NR6A1: variants seen among roughly 807,000 people sequenced by gnomAD.
NR6A1 encodes the protein retinoic acid receptor-related testis-associated receptor.
In NR6A1, 7 loss-of-function variants were observed where a neutral mutation model predicts 59.1. The observed-to-expected ratio is 0.12, with a 90% CI of 0.07 to 0.22. The LOEUF (loss-of-function observed/expected upper bound fraction) is 0.22, where lower values mean the gene tolerates loss of function less well. Among genes scored for constraint, NR6A1 ranks in the 10% least tolerant of loss-of-function variants. The pLI is 1.00. For synonymous variants in NR6A1, 243 were observed against 236.1 expected, an observed-to-expected ratio of 1.03 and a Z score of -0.27; for missense variants, 468 against 611.6, an observed-to-expected ratio of 0.77 and a Z score of 2.48.
intron 2 of NR6A1, among the ~76,000 whole-genome samples, chr9:124,587,987 C>G (rs1834984239): frequency 6.6e-6 from 1 of 152,162 alleles, no homozygotes; most frequent in South Asian, 2.1e-4. Flanking sequence ...CCTGCCTCAG[C>G]CTTTCAAGTC....
At chr9:124,741,267 C>T (rs1224550098) in intron 1 of NR6A1, among the ~76,000 whole-genome samples, 1 of 149,108 alleles carries the variant, frequency 6.7e-6, no homozygotes, top group Non-Finnish European at 1.5e-5. Context: ...ATTTGTCACA[C>T]CACATGTTTT....
intron 2 of NR6A1, among the ~76,000 whole-genome samples, chr9:124,586,988 T>C (rs1588689024): frequency 6.6e-6 from 1 of 152,300 alleles, no homozygotes; most frequent in Non-Finnish European, 1.5e-5. Flanking sequence ...ACAGAGAAAT[T>C]TTTCATGAAA....
chr9:124,617,419 G>A (rs1489251070), intron 2 of NR6A1, among the ~76,000 whole-genome samples: 2 of 152,158 alleles, frequency 1.3e-5, no homozygotes, highest in African/African-American at 4.8e-5. Flanking sequence ...TCAACTGAAT[G>A]GAAACACAAT....
At chr9:124,574,407 TAGCA>T (rs1834532243) in intron 2 of NR6A1, among the ~76,000 whole-genome samples, 1 of 152,238 alleles carries the variant, frequency 6.6e-6, no homozygotes, top group Non-Finnish European at 1.5e-5. Context: ...GAAGGAGCCT[TAGCA>T]GAGTCATTTA....
rs573622255 is a variant in NR6A1 at position 124,575,372 on chromosome 9, G to A, written c.143-20802C>T. Among the ~76,000 whole-genome samples, 91 of 152,192 alleles carry A rather than the reference G, an allele frequency of 6.0e-4. 1 individual carries two copies. In the South Asian group the frequency reaches 0.018, roughly 31 times the overall value. On this transcript the variant is annotated intron_variant, in intron 2 of 9. Coordinates refer to ENST00000487099, the MANE Select transcript of NR6A1 (RefSeq NM_033334.4). ...GCAGACTGTCTGAGCTCAGGAGTTC[G>A]AGACCAGCCTGGGCAACATGGTGAA...
chr9:124,745,403 G>A (rs967094142), intron 1 of NR6A1, among the ~76,000 whole-genome samples: 1 of 152,150 alleles, frequency 6.6e-6, no homozygotes, highest in Non-Finnish European at 1.5e-5. Context: ...AGGGCACAGC[G>A]GCTCACGCCT....
At chr9:124,659,784 T>A (rs2130938863) in intron 2 of NR6A1, among the ~76,000 whole-genome samples, 1 of 152,318 alleles carries the variant, frequency 6.6e-6, no homozygotes, top group South Asian at 2.1e-4. Flanking sequence ...ATAAAATAAT[T>A]TTCCACAGAA....
chr9:124,632,959 C>T (rs1836490679), intron 2 of NR6A1, among the ~76,000 whole-genome samples: 1 of 152,130 alleles, frequency 6.6e-6, no homozygotes, highest in Non-Finnish European at 1.5e-5. Context: ...CTACAATGCT[C>T]TAGATTATCT....
intron 2 of NR6A1, among the ~76,000 whole-genome samples, chr9:124,640,656 C>A (rs1252847820): frequency 6.6e-6 from 1 of 151,962 alleles, no homozygotes; most frequent in African/African-American, 2.4e-5. Flanking sequence ...TTTGGCCTCC[C>A]AAAGCACTAG....
chr9:124,731,534 A>C (rs1163581659), intron 2 of NR6A1, among the ~76,000 whole-genome samples: 1 of 152,104 alleles, frequency 6.6e-6, no homozygotes, highest in African/African-American at 2.4e-5. Flanking sequence ...TTTTTCAATA[A>C]AAGTTATACC....
intron 2 of NR6A1, among the ~76,000 whole-genome samples, chr9:124,685,862 G>C (rs1161103380): frequency 6.6e-6 from 1 of 152,132 alleles, no homozygotes; most frequent in Non-Finnish European, 1.5e-5. Context: ...AGTATCAATA[G>C]TTTGCCCAAA....
intron 2 of NR6A1, among the ~76,000 whole-genome samples, chr9:124,686,856 G>A (rs759198711): frequency 4.6e-5 from 7 of 151,672 alleles, no homozygotes; most frequent in Non-Finnish European, 7.4e-5. Context: ...GGCACACACC[G>A]CCACGCTCAG....
intron 2 of NR6A1, among the ~76,000 whole-genome samples, chr9:124,705,637 T>C (rs998840774): frequency 3.2e-4 from 49 of 152,222 alleles, no homozygotes; most frequent in African/African-American, 1.2e-3. Context: ...ACCTTTTGAA[T>C]AGATGGTACA....
At chr9:124,582,114 A>G (rs1339875544) in intron 2 of NR6A1, among the ~76,000 whole-genome samples, 1 of 152,252 alleles carries the variant, frequency 6.6e-6, no homozygotes, top group Non-Finnish European at 1.5e-5. Context: ...TTATAAAGAC[A>G]TATGTACATG....
At chr9:124,728,264 C>T (rs1211496342) in intron 2 of NR6A1, among the ~76,000 whole-genome samples, 6 of 151,852 alleles carry the variant, frequency 4.0e-5, no homozygotes, top group African/African-American at 1.4e-4. Context: ...CTCCTGACCT[C>T]GTGATCCACC....
At chr9:124,763,229 T>C (rs1157999682) in intron 1 of NR6A1, among the ~76,000 whole-genome samples, 1 of 152,224 alleles carries the variant, frequency 6.6e-6, no homozygotes, top group African/African-American at 2.4e-5. Context: ...TACTGCTTCA[T>C]CAAGGATGAC....
At chr9:124,523,867 C>A (rs925571411) in intron 9 of NR6A1, among the ~76,000 whole-genome samples, 1 of 152,130 alleles carries the variant, frequency 6.6e-6, no homozygotes, top group Non-Finnish European at 1.5e-5. Flanking sequence ...CTGAATTTTA[C>A]AGGAAGAATC....
chr9:124,732,346 A>G (rs1839907357), intron 2 of NR6A1, among the ~76,000 whole-genome samples: 1 of 152,238 alleles, frequency 6.6e-6, no homozygotes, highest in Non-Finnish European at 1.5e-5. Context: ...TTATAGCAAA[A>G]TAAGGTCTGT....
chr9:124,588,643 G>A (rs114310785), intron 2 of NR6A1, among the ~76,000 whole-genome samples: 2,661 of 148,356 alleles, frequency 0.018, 81 homozygotes, highest in African/African-American at 0.062. Context: ...TTCCTGGCCC[G>A]GCGTGGTGGC....
Sources: allele counts gnomAD v4.1 joint callset (sites outside exome capture counted in the v4.1 genomes callset), GRCh38; gene constraint gnomAD v4.1.1; transcripts MANE v1.5; gene names NCBI Gene and HGNC (gene_info 2026-07-23, HGNC 2026-07-21).